The following KMT5C variants were observed in gnomAD, a reference collection of about 807,000 sequenced individuals.
The protein encoded by KMT5C is lysine methyltransferase 5C.
In KMT5C, 16 loss-of-function variants were observed where a neutral mutation model predicts 38.2. That is an observed-to-expected ratio of 0.42 (90% CI 0.28 to 0.64). The LOEUF (loss-of-function observed/expected upper bound fraction) is 0.64, where lower values mean the gene tolerates loss of function less well. Among genes scored for constraint, KMT5C ranks in the 30% least tolerant of loss-of-function variants. KMT5C has a pLI of 0.23. For synonymous variants in KMT5C, 291 were observed against 279.0 expected (o/e 1.04, Z -0.43); for missense variants, 598 against 665.1 (o/e 0.90, Z 1.11).
rs2089613614 is a variant in KMT5C at position 55,346,131 on chromosome 19, C to T, written c.571-82C>T. The T allele has an allele frequency of 1.9e-6, 3 of 1,563,776 alleles. No individual in the cohort carries two copies. The South Asian group carries it at 3.4e-5, about 18-fold the overall frequency. On this transcript the variant is annotated intron_variant, in intron 6 of 8. Coordinates refer to ENST00000255613, the MANE Select transcript of KMT5C (RefSeq NM_032701.4). ...CATTCCAGGAGAGGACGCTCCGGGCCAGGGTGCCCGGCCAGGTGTGGGGAG... is the reference window on the plus strand; with the variant it reads ...CATTCCAGGAGAGGACGCTCCGGGCTAGGGTGCCCGGCCAGGTGTGGGGAG...
Position 55,347,061 on chromosome 19 carries a change from A to G in KMT5C, c.1001A>G (p.Lys334Arg). 6.4e-7 allele frequency: 1 copy of G among 1,572,180 alleles called. No individual in the cohort carries two copies. The highest frequency in any genetic ancestry group is 8.6e-7 in the Non-Finnish European group (1 of 1,160,898). The change falls in exon 9 of 9, where the codon AAG (lysine) becomes AGG (arginine). Residue 334 changes from lysine to arginine, a missense_variant. Physicochemically the swap from Lys to Arg is conservative, Grantham distance 26. This residue lies in a region of KMT5C where 326 missense variants were observed against 298.1 expected (regional missense o/e 1.09). Transcript: ENST00000255613. This position sits in a 1 kb window ranked among gnomAD's most constrained non-coding sequence, Gnocchi z 4.6. ...PQPQPRVRPRKRRRPRPRRAP... is the reference protein window; with the variant it reads ...PQPQPRVRPRRRRRPRPRRAP... ...CCCCAGCCCCGAGTGCGGCCCCGGA[A>G]GCGCCGACGCCCCCGGCCCCGGAGG...
In KMT5C at chr19:55,343,118, C is replaced by T. The variant is rs2123191729; in HGVS notation, c.386+267C>T. On this transcript the variant is annotated intron_variant, in intron 4 of 8. Coordinates refer to ENST00000255613, the MANE Select transcript of KMT5C (RefSeq NM_032701.4). The surrounding 1 kb of genome is among the most constrained non-coding windows in gnomAD (Gnocchi z 5.5). ...TCTGGTCAGGGCCGTGCTGTCCTTA[C>T]CTCCTTGTGACCTGAGCCCCCACCA... 1 of 438,942 alleles carries T rather than the reference C, an allele frequency of 2.3e-6. No individual in the cohort carries two copies. The highest frequency in any genetic ancestry group is 2.6e-5 in the South Asian group (1 of 38,544). The allele number at this position is 438,942 out of a possible 1,614,324, so 27.2% of individuals were successfully genotyped here. A position where few individuals can be genotyped will look rare whatever the true frequency, so the allele number is the denominator to read the frequency against.
rs555576837 is a variant in KMT5C at position 55,347,392 on chromosome 19, A to G, written c.1332A>G (p.Leu444=). The G allele has an allele frequency of 3.0e-5, 47 of 1,580,344 alleles. No homozygotes were observed. In the African/African-American group the frequency reaches 4.2e-4, roughly 14 times the overall value. Residue 444 remains leucine, a synonymous_variant, in exon 9 of 9, where the codon CTA becomes CTG. Transcript: ENST00000255613. This position sits in a 1 kb window ranked among gnomAD's most constrained non-coding sequence, Gnocchi z 4.6. ...CCCCCTTCTCCCCACCCAAGCGCCTACGGCTGGTGGTCAGCCACGGCTCCA... is the reference window on the plus strand; with the variant it reads ...CCCCCTTCTCCCCACCCAAGCGCCTGCGGCTGGTGGTCAGCCACGGCTCCA... The part of the protein sequence containing the change: ...AFAPFSPPKR[L]RLVVSHGSID...
chr19:55,340,662 T>G (rs1211483620), intron 1 of KMT5C, among the ~76,000 whole-genome samples: 1 of 151,410 alleles, frequency 6.6e-6, no homozygotes, highest in African/African-American at 2.4e-5. Flanking sequence ...GGCCCTTCAC[T>G]CACTGGACAC....
rs888414052 is a variant in KMT5C, at chr19:55,347,146, T to C, written c.1086T>C (p.Cys362=). 16 of 1,537,960 alleles carry C rather than the reference T, an allele frequency of 1.0e-5. No homozygotes were observed. Among genetic ancestry groups the C allele is most frequent in the Non-Finnish European group, 1.3e-5 (15 of 1,148,128 alleles). Residue 362 remains cysteine, a synonymous_variant, in exon 9 of 9, where the codon TGT becomes TGC. Transcript: ENST00000255613. This position sits in a 1 kb window ranked among gnomAD's most constrained non-coding sequence, Gnocchi z 4.6. The part of the protein sequence containing the change: ...ARVSLHRWGG[C]GPHCRLRGEA... ...TCTCCCTGCACCGATGGGGAGGCTG[T>C]GGCCCCCACTGCCGCCTGCGAGGAG...
chr19:55,342,557 G>A, intron 3 of KMT5C, 177 bp downstream of exon 3: 1 of 641,100 alleles, frequency 1.6e-6, no homozygotes, highest in South Asian at 1.9e-5. Context: ...GAGAGTTGGG[G>A]GGGCCCTCTG....
chr19:55,343,082 A>T lies in KMT5C; in HGVS notation c.386+231A>T, dbSNP rs2089578155. 2 of 516,964 alleles carry T rather than the reference A, an allele frequency of 3.9e-6. No homozygotes were observed. Among genetic ancestry groups the T allele is most frequent in the East Asian group, 6.7e-5 (2 of 29,708 alleles). The allele number at this position is 516,964 out of a possible 1,614,324, so 32.0% of individuals were successfully genotyped here. Reference sequence around the variant, plus strand: ...CCAGGGTTCCTGGGGCTTCCAGGAAAGAACTAGGCTTCTGGTCAGGGCCGT... The same window carrying T: ...CCAGGGTTCCTGGGGCTTCCAGGAATGAACTAGGCTTCTGGTCAGGGCCGT... On this transcript the variant is annotated intron_variant, in intron 4 of 8. Coordinates refer to ENST00000255613, the MANE Select transcript of KMT5C (RefSeq NM_032701.4). This position sits in a 1 kb window ranked among gnomAD's most constrained non-coding sequence, Gnocchi z 5.5.
chr19:55,344,586 T>C (rs769111013), intron 6 of KMT5C: 3 of 418,102 alleles, frequency 7.2e-6, no homozygotes, highest in Admixed American at 6.2e-5. Flanking sequence ...GCTGTGCCAA[T>C]TTGGGCAGGG....
At position 55,341,776 on chromosome 19, in the gene KMT5C, T is replaced by C; in HGVS notation, c.-143-18T>C. ...GCGGCCTGGTGAAGTCAGCACTGCT[T>C]TTCTCCCCATTTTGCAGATGAGATC... is the stretch of plus-strand genomic sequence containing the variant. On this transcript the variant is annotated intron_variant, in intron 1 of 8. Transcript: ENST00000255613. 1.6e-6 allele frequency: 1 copy of C among 624,374 alleles called. No homozygotes were observed. The highest frequency in any genetic ancestry group is 1.9e-5 in the South Asian group (1 of 52,810). 38.7% of individuals were successfully genotyped at this position (624,374 alleles called of 1,614,324 possible).
Position 55,347,282 on chromosome 19 carries a change from C to A in KMT5C, c.1222C>A (p.Arg408Ser). 1 of 1,560,112 alleles carries A rather than the reference C, an allele frequency of 6.4e-7. No individual in the cohort carries two copies. The highest frequency in any genetic ancestry group is 8.7e-7 in the Non-Finnish European group (1 of 1,155,636). Residue 408 changes from arginine to serine, a missense_variant, in exon 9 of 9, where the codon CGC (arginine) becomes AGC (serine). Physicochemically the swap from Arg to Ser is moderately radical, Grantham distance 110. Transcript: ENST00000255613. The surrounding 1 kb of genome is among the most constrained non-coding windows in gnomAD (Gnocchi z 4.6). ...LPYVVRVDLR[R>S]LAPAPPATPA... ...TTACGTGGTGCGTGTGGACCTTCGT[C>A]GCCTGGCCCCAGCCCCACCAGCTAC...
Position 55,346,976 on chromosome 19 carries a change from C to T in KMT5C, c.916C>T (p.Leu306=). 1 of 1,087,224 alleles carries T rather than the reference C, an allele frequency of 9.2e-7. No individual in the cohort carries two copies. The highest frequency in any genetic ancestry group is 1.4e-6 in the Non-Finnish European group (1 of 716,242). 67.3% of individuals were successfully genotyped at this position (1,087,224 alleles called of 1,614,324 possible). ...CACAGCCGCCTGCCAGCCCCTGCGC[C>T]TGCCAGCCTGCAGCGCCCGCCCAGA... ...PFCAACQPLR[L]PACSARPDTS... is the part of the protein sequence containing the mutation. The change falls in exon 9 of 9, where the codon CTG becomes TTG. Residue 306 remains leucine (L), a synonymous_variant. Coordinates refer to ENST00000255613, the MANE Select transcript of KMT5C (RefSeq NM_032701.4).
chr19:55,343,434 T>G lies in KMT5C; in HGVS notation c.387-246T>G, dbSNP rs1183032991. 11 of 562,426 alleles carry G rather than the reference T, an allele frequency of 2.0e-5. No homozygotes were observed. Among genetic ancestry groups the G allele is most frequent in the Non-Finnish European group, 3.5e-5 (11 of 313,608 alleles). 34.8% of individuals were successfully genotyped at this position (562,426 alleles called of 1,614,324 possible). On this transcript the variant is annotated intron_variant, in intron 4 of 8. Coordinates refer to ENST00000255613, the MANE Select transcript of KMT5C (RefSeq NM_032701.4). This position sits in a 1 kb window ranked among gnomAD's most constrained non-coding sequence, Gnocchi z 5.5. ...GCGAGGGGAGAGAATGGGGGCTGTA[T>G]CTGCTGTGTGCGTGCTGCCCTGAAG... is the stretch of plus-strand genomic sequence containing the variant.
In KMT5C at chr19:55,343,699, G is replaced by A; in HGVS notation, c.406G>A (p.Glu136Lys). ...TRAWKKNEKL[E>K]LLVGCIAELR... ...TGGCAGGAAAAAGAATGAGAAGCTG[G>A]AGCTGCTGGTGGGCTGCATTGCAGA... The change falls in exon 5 of 9, where the codon GAG (glutamate) becomes AAG (lysine). Residue 136 changes from glutamate (E) to lysine (K), a missense_variant. Around this residue, in one of 3 missense-constraint regions of KMT5C, gnomAD observed 105 missense variants for 179.2 expected, o/e 0.59. Transcript: ENST00000255613. The surrounding 1 kb of genome is among the most constrained non-coding windows in gnomAD (Gnocchi z 5.5). The A allele has an allele frequency of 6.4e-7, 1 of 1,559,130 alleles. No homozygotes were observed. Among genetic ancestry groups the A allele is most frequent in the Non-Finnish European group, 8.7e-7 (1 of 1,151,186 alleles).
At chr19:55,345,178 G>A in intron 6 of KMT5C, 1 of 409,704 alleles carries the variant, frequency 2.4e-6, no homozygotes, top group East Asian at 7.2e-5. Flanking sequence ...CAGAAGCCAT[G>A]CTGGGCATCG....
rs2089582137 is a variant in KMT5C, at chr19:55,343,364, G to A, written c.387-316G>A. On this transcript the variant is annotated intron_variant, in intron 4 of 8. Transcript: ENST00000255613. The surrounding 1 kb of genome is among the most constrained non-coding windows in gnomAD (Gnocchi z 5.5). ...TGAGGGTCTGGTGGGGCGAGTAGGG[G>A]GTAGTCCAGGCAGGAGGGATTTGGG... 1 of 424,780 alleles carries A rather than the reference G, an allele frequency of 2.4e-6. No homozygotes were observed. Among genetic ancestry groups the A allele is most frequent in the Non-Finnish European group, 4.4e-6 (1 of 229,818 alleles). The allele number at this position is 424,780 out of a possible 1,614,324, so 26.3% of individuals were successfully genotyped here.
chr19:55,342,945 GA>G, intron 4 of KMT5C, 94 bp downstream of exon 4: 1 of 801,732 alleles, frequency 1.2e-6, no homozygotes, highest in East Asian at 2.6e-5. Context: ...GCCAACCGGG[GA>G]AAAGCGAGGG....
chr19:55,343,661 C>T lies in KMT5C; in HGVS notation c.387-19C>T, dbSNP rs1354325829. 3.9e-6 allele frequency: 6 copies of T among 1,550,296 alleles called. No individual in the cohort carries two copies. In the Admixed American group the frequency reaches 5.9e-5, roughly 15 times the overall value. On this transcript the variant is annotated intron_variant, in intron 4 of 8. Coordinates refer to ENST00000255613, the MANE Select transcript of KMT5C (RefSeq NM_032701.4). The surrounding 1 kb of genome is among the most constrained non-coding windows in gnomAD (Gnocchi z 5.5). Reference sequence around the variant, plus strand: ...AGGCCAGGCATCGCCCACAGCCCTGCCCCCTGGCCTCTTGGCAGGAAAAAG... The same window carrying T: ...AGGCCAGGCATCGCCCACAGCCCTGTCCCCTGGCCTCTTGGCAGGAAAAAG...
chr19:55,342,976 C>T (rs919404413), intron 4 of KMT5C, 125 bp downstream of exon 4: 9 of 676,480 alleles, frequency 1.3e-5, no homozygotes, highest in South Asian at 3.3e-5. Flanking sequence ...TCCGGGCATC[C>T]TAGGAAGGTG....
At position 55,342,228 on chromosome 19, in the gene KMT5C, CT is replaced by C; in HGVS notation, c.125del (p.Leu42ArgfsTer15). On this transcript the variant is annotated frameshift_variant, in exon 3 of 9. Coordinates refer to ENST00000255613, the MANE Select transcript of KMT5C (RefSeq NM_032701.4). LOFTEE classifies it high-confidence loss of function. Reference protein sequence around the residue: ...HKMNVSPVPPLRRQQHLRSAL... With the variant: ...HKMNVSPVPPXRRQQHLRSAL... ...CCTCTCCCCCAGCCCTGTGCCCCCC[CT>C]GCGGCGACAGCAGCACCTGCGCTCA... is the stretch of plus-strand genomic sequence containing the variant. The C allele has an allele frequency of 6.2e-7, 1 of 1,610,070 alleles. No homozygotes were observed. The highest frequency in any genetic ancestry group is 1.1e-5 in the South Asian group (1 of 90,668).
Sources: allele counts gnomAD v4.1 joint callset (sites outside exome capture counted in the v4.1 genomes callset), GRCh38; gene constraint gnomAD v4.1.1; regional missense constraint gnomAD v4.1.1; non-coding constraint Gnocchi (gnomAD v3.1); transcripts MANE v1.5; gene names NCBI Gene and HGNC (gene_info 2026-07-23, HGNC 2026-07-21).